Variants in SPOCK1 observed in about 807,000 individuals in gnomAD.
SPOCK1 encodes testican-1.
A neutral mutation model predicts 55.3 loss-of-function variants in SPOCK1; 23 were observed. The observed-to-expected ratio is 0.42, with a 90% CI of 0.30 to 0.59. The LOEUF is 0.59. Among genes scored for constraint, SPOCK1 ranks in the 20% least tolerant of loss-of-function variants. SPOCK1 has a pLI of 0.22. For missense variants in SPOCK1, 499 were observed against 552.5 expected (o/e 0.90, Z 0.97); for synonymous variants, 226 against 221.0 (o/e 1.02, Z -0.20).
intron 2 of SPOCK1, among the ~76,000 whole-genome samples, chr5:137,306,752 T>G (rs7716387): frequency 6.2e-4 from 94 of 152,124 alleles, no homozygotes; most frequent in African/African-American, 2.1e-3. Flanking sequence ...GTGCATAGCT[T>G]TTTAAAGTTT....
chr5:137,097,870 A>T (rs1561608080), intron 5 of SPOCK1, among the ~76,000 whole-genome samples: 1 of 152,198 alleles, frequency 6.6e-6, no homozygotes, highest in East Asian at 1.9e-4. Context: ...TCTGCCCTCA[A>T]CCAGAGGTGC....
At chr5:137,290,288 C>A (rs1757349256) in intron 2 of SPOCK1, among the ~76,000 whole-genome samples, 1 of 152,100 alleles carries the variant, frequency 6.6e-6, no homozygotes, top group Non-Finnish European at 1.5e-5. Context: ...TATGCATTAC[C>A]AGAGATGATA....
At chr5:137,457,710 A>G (rs1422593979) in intron 2 of SPOCK1, among the ~76,000 whole-genome samples, 5 of 152,194 alleles carry the variant, frequency 3.3e-5, no homozygotes, top group African/African-American at 1.2e-4. Flanking sequence ...TGGAGATGCA[A>G]AGATTAAAAA....
At chr5:137,276,310 T>C (rs1339890079) in intron 2 of SPOCK1, among the ~76,000 whole-genome samples, 1 of 152,250 alleles carries the variant, frequency 6.6e-6, no homozygotes, top group Non-Finnish European at 1.5e-5. Context: ...TTTACTCCTC[T>C]ATCAAATCCC....
chr5:137,347,120 C>T (rs1405574879), intron 2 of SPOCK1, among the ~76,000 whole-genome samples: 1 of 152,166 alleles, frequency 6.6e-6, no homozygotes. Context: ...CTCCCTTGCA[C>T]CAAGCCATCA....
At chr5:137,184,465 C>A (rs535491733) in intron 3 of SPOCK1, among the ~76,000 whole-genome samples, 5 of 152,312 alleles carry the variant, frequency 3.3e-5, no homozygotes, top group Non-Finnish European at 5.9e-5. Context: ...CTGCCCAGCA[C>A]GGGCAAAGCT....
At chr5:137,334,510 G>T (rs138018459) in intron 2 of SPOCK1, among the ~76,000 whole-genome samples, 70 of 152,286 alleles carry the variant, frequency 4.6e-4, no homozygotes, top group Non-Finnish European at 9.1e-4. Flanking sequence ...TTTGGTCGCA[G>T]AACGCGTTCC....
At chr5:137,014,503 G>A (rs1938857070) in intron 6 of SPOCK1, among the ~76,000 whole-genome samples, 1 of 152,080 alleles carries the variant, frequency 6.6e-6, no homozygotes, top group South Asian at 2.1e-4. Context: ...AAATCTTTCG[G>A]CATCAAGATT....
Position 137,207,169 on chromosome 5 carries a change from C to T in SPOCK1, c.232+59841G>A, listed in dbSNP as rs1242746478. 4.6e-5 allele frequency among the ~76,000 whole-genome samples: 7 copies of T among 152,318 alleles called. No individual in the cohort carries two copies. In the East Asian group the frequency reaches 5.8e-4, roughly 13 times the overall value. Reference sequence around the variant, plus strand: ...CCTCTGGTATCCAGGTACAGAACCCCGAGCAGCCTGTCTGATGAGTTCCTT... The same window carrying T: ...CCTCTGGTATCCAGGTACAGAACCCTGAGCAGCCTGTCTGATGAGTTCCTT... On this transcript the variant is annotated intron_variant, in intron 3 of 10. Transcript: ENST00000394945.
chr5:137,311,861 A>T (rs1258691685), intron 2 of SPOCK1, among the ~76,000 whole-genome samples: 1 of 152,230 alleles, frequency 6.6e-6, no homozygotes, highest in Non-Finnish European at 1.5e-5. Context: ...CACTTAATAA[A>T]GCATGAACTT....
chr5:137,001,809 G>A (rs1751160312), intron 6 of SPOCK1, among the ~76,000 whole-genome samples: 1 of 152,154 alleles, frequency 6.6e-6, no homozygotes, highest in South Asian at 2.1e-4. Flanking sequence ...GAGGCTAATA[G>A]ATAATAAGCT....
chr5:137,413,769 T>C (rs1752264633), intron 2 of SPOCK1, among the ~76,000 whole-genome samples: 1 of 152,226 alleles, frequency 6.6e-6, no homozygotes, highest in African/African-American at 2.4e-5. Flanking sequence ...CCCAAATACC[T>C]GATTAAACAT....
intron 6 of SPOCK1, among the ~76,000 whole-genome samples, chr5:137,039,973 C>T (rs1397295333): frequency 2.0e-5 from 3 of 152,238 alleles, no homozygotes; most frequent in African/African-American, 7.2e-5. Flanking sequence ...ACAGAACCGG[C>T]TGCTGGCTGG....
intron 2 of SPOCK1, among the ~76,000 whole-genome samples, chr5:137,487,416 A>T (rs1015588251): frequency 2.0e-5 from 3 of 151,688 alleles, no homozygotes; most frequent in African/African-American, 4.8e-5. Context: ...TAATGTCACC[A>T]TCTAGCCCCT....
intron 5 of SPOCK1, among the ~76,000 whole-genome samples, chr5:137,095,342 T>TAAA (rs112149143): frequency 6.6e-6 from 1 of 152,000 alleles, no homozygotes; most frequent in African/African-American, 2.4e-5. Context: ...CTCCAATTTG[T>TAAA]AAAAAAAACC....
intron 2 of SPOCK1, among the ~76,000 whole-genome samples, chr5:137,358,573 G>A (rs1750873449): frequency 6.6e-6 from 1 of 151,324 alleles, no homozygotes; most frequent in Admixed American, 6.6e-5. Flanking sequence ...GAAGAGGAAG[G>A]GGAAGGGGGA....
At chr5:137,438,434 C>A (rs1400964379) in intron 2 of SPOCK1, among the ~76,000 whole-genome samples, 4 of 152,258 alleles carry the variant, frequency 2.6e-5, no homozygotes, top group Middle Eastern at 6.8e-3. Flanking sequence ...AAACCCAAAC[C>A]AGGCAGCTCC....
At chr5:137,213,189 A>G (rs1187345286) in intron 3 of SPOCK1, among the ~76,000 whole-genome samples, 1 of 152,194 alleles carries the variant, frequency 6.6e-6, no homozygotes, top group African/African-American at 2.4e-5. Flanking sequence ...CACTGTAGTC[A>G]TATCTACCCT....
intron 5 of SPOCK1, among the ~76,000 whole-genome samples, chr5:137,109,692 C>T (rs1242842808): frequency 6.6e-6 from 1 of 152,174 alleles, no homozygotes; most frequent in African/African-American, 2.4e-5. Flanking sequence ...GGGGCATCCT[C>T]ATGGTTCTTC....
Sources: allele counts gnomAD v4.1 joint callset (sites outside exome capture counted in the v4.1 genomes callset), GRCh38; gene constraint gnomAD v4.1.1; transcripts MANE v1.5; gene names NCBI Gene and HGNC (gene_info 2026-07-23, HGNC 2026-07-21).